The following SMG5 variants were observed in gnomAD, a reference collection of about 807,000 sequenced individuals.
SMG5 encodes SMG5 nonsense mediated mRNA decay factor.
SMG5 carries 53 observed loss-of-function variants against 122.9 expected under a neutral mutation model. That is an observed-to-expected ratio of 0.43 (90% CI 0.35 to 0.54). SMG5 has a LOEUF of 0.54. Among genes scored for constraint, SMG5 ranks in the 20% least tolerant of loss-of-function variants. The probability of loss-of-function intolerance (pLI) is 0.01; values close to 1 mark genes in which losing one functional copy is unlikely to be tolerated. For missense variants in SMG5, 1,153 were observed against 1,285.6 expected (o/e 0.90, Z 1.58); for synonymous variants, 477 against 490.2 (o/e 0.97, Z 0.35).
chr1:156,258,072 T>C (rs1384238380), intron 16 of SMG5, among the ~76,000 whole-genome samples: 2 of 152,208 alleles, frequency 1.3e-5, no homozygotes, highest in Non-Finnish European at 2.9e-5. Context: ...AAATGGACTC[T>C]CGATAAATAT....
At chr1:156,254,809 G>T (rs1661506252) in intron 16 of SMG5, among the ~76,000 whole-genome samples, 1 of 152,012 alleles carries the variant, frequency 6.6e-6, no homozygotes, top group Non-Finnish European at 1.5e-5. Flanking sequence ...ATTAATCTTG[G>T]CCAGGCACGG....
rs560651173 is a variant in SMG5, at chr1:156,270,255, A to T, written c.714-1840T>A. Among the ~76,000 whole-genome samples, 3 of 152,290 alleles carry T rather than the reference A, an allele frequency of 2.0e-5. No individual in the cohort carries two copies. In the South Asian group the frequency reaches 6.2e-4, roughly 32 times the overall value. Reference sequence around the variant, plus strand: ...CTTAAATCTTGCAGGGGGCTGCGGGAGGAAGGGCTATGACCAATAGAATAT... The same window carrying T: ...CTTAAATCTTGCAGGGGGCTGCGGGTGGAAGGGCTATGACCAATAGAATAT... On this transcript the variant is annotated intron_variant, in intron 7 of 21. Coordinates refer to ENST00000361813, the MANE Select transcript of SMG5 (RefSeq NM_015327.3).
intron 8 of SMG5, 37 bp downstream of exon 8, chr1:156,268,253 G>A (rs746222135): frequency 3.1e-6 from 5 of 1,613,934 alleles, no homozygotes; most frequent in Non-Finnish European, 4.2e-6. Flanking sequence ...TGCACCAACT[G>A]CAGAAAAAAC....
Position 156,251,471 on chromosome 1 carries a change from A to C in SMG5, c.2760T>G (p.Ile920Met). 6.2e-7 allele frequency: 1 copy of C among 1,613,980 alleles called. No individual in the cohort carries two copies. The highest frequency in any genetic ancestry group is 1.1e-5 in the South Asian group (1 of 91,066). ...TCTTTCCCACCTCTTTCTGGCAGCG[A>C]ATGTACCTGCAGAGGAGATGTGCGA... is the stretch of plus-strand genomic sequence containing the variant. ...EAEFKKGNRY[I>M]RCQKEVGKSF... The change falls in exon 20 of 22, where the codon ATT (isoleucine) becomes ATG (methionine). Residue 920 changes from isoleucine (I) to methionine (M), a missense_variant. By Grantham distance (10) the Ile-to-Met change is conservative. Transcript: ENST00000361813.
chr1:156,252,341 G>A (rs1445302308), intron 19 of SMG5, 73 bp downstream of exon 19: 2 of 1,422,822 alleles, frequency 1.4e-6, no homozygotes, highest in Non-Finnish European at 2.0e-6. Flanking sequence ...AGGGAGCAAG[G>A]GGCTTTCATA....
At chr1:156,287,852 A>C in the SMG5 span, among the ~76,000 whole-genome samples, 1 of 151,868 alleles carries the variant, frequency 6.6e-6, no homozygotes, top group Non-Finnish European at 1.5e-5. Flanking sequence ...CCCTAACCTC[A>C]GGTGATCTGC....
intron 1 of SMG5, among the ~76,000 whole-genome samples, chr1:156,279,328 A>C (rs1472320359): frequency 1.3e-5 from 2 of 150,974 alleles, no homozygotes; most frequent in Non-Finnish European, 2.9e-5. Flanking sequence ...GGGTGCTGTT[A>C]AATCTCCTGT....
intron 13 of SMG5, 126 bp downstream of exon 13, chr1:156,263,269 G>C: frequency 2.8e-6 from 3 of 1,067,212 alleles, no homozygotes; most frequent in Non-Finnish European, 4.1e-6. Context: ...AGCACAGATA[G>C]GTGATTAATT....
Position 156,250,633 on chromosome 1 carries a change from A to G in SMG5, c.3005T>C (p.Ile1002Thr). The change falls in exon 22 of 22, where the codon ATC becomes ACC. Residue 1002 changes from isoleucine (I) to threonine (T), a missense_variant. Around this residue, in one of 5 missense-constraint regions of SMG5, gnomAD observed 84 missense variants for 82.3 expected, o/e 1.02. Transcript: ENST00000361813. ...LQAAAHASVDIKNVLDFYKQW... is the reference protein window; with the variant it reads ...LQAAAHASVDTKNVLDFYKQW... ...CTTGTAGAAGTCCAGAACATTCTTG[A>G]TGTCCACACTGGCGTGGGCAGCGGC... 6.2e-7 allele frequency: 1 copy of G among 1,614,166 alleles called. No homozygotes were observed. Among genetic ancestry groups the G allele is most frequent in the Non-Finnish European group, 8.5e-7 (1 of 1,180,034 alleles).
chr1:156,270,431 G>C (rs537024506), intron 7 of SMG5, among the ~76,000 whole-genome samples: 33 of 152,208 alleles, frequency 2.2e-4, no homozygotes, highest in Admixed American at 3.9e-4. Context: ...CAACCCTCCA[G>C]ATATATTAGA....
At chr1:156,266,720 A>G in intron 10 of SMG5, 42 bp from the exon 11 acceptor site, 1 of 1,610,912 alleles carries the variant, frequency 6.2e-7, no homozygotes, top group Non-Finnish European at 8.5e-7. Context: ...TAGGGCCCTG[A>G]TGAGGAGTAG....
At position 156,250,565 on chromosome 1, in the gene SMG5, C is replaced by A. The variant is rs1474846788; in HGVS notation, c.*22G>T. The A allele has an allele frequency of 1.2e-6, 2 of 1,605,438 alleles. No homozygotes were observed. Among genetic ancestry groups the A allele is most frequent in the Admixed American group, 3.3e-5 (2 of 60,006 alleles). On this transcript the variant is annotated 3_prime_UTR_variant, in exon 22 of 22. Coordinates refer to ENST00000361813, the MANE Select transcript of SMG5 (RefSeq NM_015327.3). ...CAGGAGAGATCTGGAGTCAGCCCCA[C>A]TGCAGGGCCTGGGGGTCAGTATCAA...
At position 156,250,863 on chromosome 1, in the gene SMG5, TG is replaced by T. The variant is rs749750602; in HGVS notation, c.2961del (p.Met988CysfsTer40). 4 of 1,613,866 alleles carry T rather than the reference TG, an allele frequency of 2.5e-6. No homozygotes were observed. The highest frequency in any genetic ancestry group is 8.5e-7 in the Non-Finnish European group (1 of 1,179,860). ...PLDNPSVLSG[P>X]MQAALQAAAH... ...CCACCTCACCCATGACCCACCTGCA[TG>T]GGGCCTGAAAGCACGCTGGGGTTGT... is the stretch of plus-strand genomic sequence containing the variant. On this transcript the variant is annotated frameshift_variant, in exon 21 of 22. Transcript: ENST00000361813. LOFTEE classifies it high-confidence loss of function.
chr1:156,286,123 C>A, upstream of SMG5: 1 of 1,378,028 alleles, frequency 7.3e-7, no homozygotes, highest in Non-Finnish European at 1.0e-6. Flanking sequence ...TCTGCATGCC[C>A]ATCTCCTCCC....
chr1:156,289,098 G>A, the SMG5 span, among the ~76,000 whole-genome samples: 16 of 152,192 alleles, frequency 1.1e-4, no homozygotes, highest in Non-Finnish European at 1.6e-4. Flanking sequence ...TCATTAAGCA[G>A]TTTGTGCCTC....
At chr1:156,272,239 G>A in intron 7 of SMG5, 81 bp downstream of exon 7, 1 of 1,255,332 alleles carries the variant, frequency 8.0e-7, no homozygotes, top group South Asian at 1.3e-5. Context: ...GCTAGAGGAA[G>A]GAGGAAGGGA....
chr1:156,285,651 A>C (rs766586194), upstream of SMG5: 2 of 1,613,842 alleles, frequency 1.2e-6, no homozygotes, highest in East Asian at 4.5e-5. Context: ...CGGCAGCCCC[A>C]AGAAGACCTT....
chr1:156,264,330 G>A (rs1662016349), intron 12 of SMG5, among the ~76,000 whole-genome samples: 2 of 144,876 alleles, frequency 1.4e-5, no homozygotes, highest in Admixed American at 6.9e-5. Flanking sequence ...TACTTTGCAA[G>A]TGAGAACACT....
Position 156,250,485 on chromosome 1 carries a change from T to G in SMG5, c.*102A>C. 4.6e-5 allele frequency: 47 copies of G among 1,013,014 alleles called. No individual in the cohort carries two copies. The highest frequency in any genetic ancestry group is 2.1e-4 in the Middle Eastern group (1 of 4,784). 62.8% of individuals were successfully genotyped at this position (1,013,014 alleles called of 1,614,324 possible). On this transcript the variant is annotated 3_prime_UTR_variant, in exon 22 of 22. Coordinates refer to ENST00000361813, the MANE Select transcript of SMG5 (RefSeq NM_015327.3). ...TAGGCCTCCCTCCTGTGTGCGTGCA[T>G]GAGTCTGCGTGTGGTGGGGTGACTA...
Sources: gnomAD v4.1 joint callset for allele counts (sites outside exome capture counted in the v4.1 genomes callset) on GRCh38, gnomAD v4.1.1 for gene constraint, gnomAD v4.1.1 regional missense constraint, MANE v1.5 for transcripts, NCBI Gene and HGNC (gene_info 2026-07-23, HGNC 2026-07-21) for gene names.